The following TNS3 variants were observed in gnomAD, a reference collection of about 807,000 sequenced individuals.
The protein encoded by TNS3 is tensin-3.
In TNS3, 45 loss-of-function variants were observed where a neutral mutation model predicts 140.9. The observed-to-expected ratio is 0.32, with a 90% CI of 0.25 to 0.41. The LOEUF is 0.41. Ranked by LOEUF, TNS3 falls within the 10% of genes least tolerant of loss-of-function variation. The pLI is 1.00. For missense variants in TNS3, 1,716 were observed against 1,906.7 expected, an observed-to-expected ratio of 0.90 and a Z score of 1.86; for synonymous variants, 815 against 788.4, an observed-to-expected ratio of 1.03 and a Z score of -0.56.
At chr7:47,284,169 G>A (rs891256847) in intron 27 of TNS3, among the ~76,000 whole-genome samples, 2 of 152,198 alleles carry the variant, frequency 1.3e-5, no homozygotes, top group African/African-American at 4.8e-5. Context: ...TATTCGCCCT[G>A]CAGCAGTATT....
At chr7:47,459,189 A>G (rs1374482144) in intron 4 of TNS3, among the ~76,000 whole-genome samples, 1 of 152,190 alleles carries the variant, frequency 6.6e-6, no homozygotes, top group African/African-American at 2.4e-5. Flanking sequence ...GAAACATTCT[A>G]TAGTTTAAAA....
intron 16 of TNS3, among the ~76,000 whole-genome samples, chr7:47,381,555 T>A (rs1791760871): frequency 6.6e-6 from 1 of 152,118 alleles, no homozygotes; most frequent in South Asian, 2.1e-4. Flanking sequence ...TGCCTTCAGG[T>A]TCCCACAGCA....
chr7:47,552,821 G>T (rs898690600), intron 1 of TNS3, among the ~76,000 whole-genome samples: 1 of 152,194 alleles, frequency 6.6e-6, no homozygotes, highest in Non-Finnish European at 1.5e-5. Flanking sequence ...AGCTTAGTGG[G>T]GAAGGCATGT....
intron 28 of TNS3, among the ~76,000 whole-genome samples, chr7:47,283,445 G>A (rs11765216): frequency 0.24 from 36,101 of 152,072 alleles, 4,645 homozygotes; most frequent in East Asian, 0.47. Context: ...ATTTTAAAAC[G>A]CCAAACGTCT....
chr7:47,582,254 A>G (rs1784555797), upstream of TNS3: 3 of 347,346 alleles, frequency 8.6e-6, no homozygotes, highest in Admixed American at 7.5e-5. Context: ...CACCCTAACA[A>G]TGCAGCGCGC....
At chr7:47,451,953 G>A (rs1426591364) in intron 4 of TNS3, among the ~76,000 whole-genome samples, 2 of 152,298 alleles carry the variant, frequency 1.3e-5, no homozygotes, top group African/African-American at 2.4e-5. Flanking sequence ...TACTGCTCGA[G>A]TAAGCCGTCT....
chr7:47,294,605 A>G (rs1309254162), intron 24 of TNS3, among the ~76,000 whole-genome samples: 1 of 152,168 alleles, frequency 6.6e-6, no homozygotes, highest in African/African-American at 2.4e-5. Context: ...CTAAACTTCT[A>G]ATATTTCTGG....
At chr7:47,507,885 G>C (rs1279567811) in intron 2 of TNS3, among the ~76,000 whole-genome samples, 1 of 152,132 alleles carries the variant, frequency 6.6e-6, no homozygotes, top group African/African-American at 2.4e-5. Flanking sequence ...ACCTGGGTTG[G>C]GGAACAGTGA....
chr7:47,322,213 C>CAAAAAAAA (rs759875153), intron 20 of TNS3, among the ~76,000 whole-genome samples: 22 of 49,890 alleles, frequency 4.4e-4, no homozygotes, highest in South Asian at 8.2e-4. Flanking sequence ...GTAGAACGGG[C>CAAAAAAAA]AAAAAAAAAA....
At chr7:47,468,931 G>A (rs1453403275) in intron 4 of TNS3, among the ~76,000 whole-genome samples, 1 of 152,080 alleles carries the variant, frequency 6.6e-6, no homozygotes, top group African/African-American at 2.4e-5. Flanking sequence ...CACAAATAAA[G>A]CTGCACACTT....
intron 23 of TNS3, among the ~76,000 whole-genome samples, chr7:47,297,871 T>A (rs1009639103): frequency 7.0e-6 from 1 of 143,436 alleles, no homozygotes; most frequent in Non-Finnish European, 1.5e-5. Flanking sequence ...CACTGCAACC[T>A]CCACTTCTGG....
chr7:47,557,016 C>T (rs560435211), intron 1 of TNS3: 82 of 456,330 alleles, frequency 1.8e-4, no homozygotes, highest in African/African-American at 1.1e-3. Flanking sequence ...GCAGCGGGGG[C>T]GGGGAGCAAC....
rs899447132 is a variant in TNS3 at position 47,311,453 on chromosome 7, T to TAG, written c.2651-6452_2651-6451dup. ...GTGTGTGTGTGTATACATATATATA[T>TAG]AGAGAGAGAGAGAGAAAGAGAGAAT... is the stretch of plus-strand genomic sequence containing the variant. On this transcript the variant is annotated intron_variant, in intron 20 of 30. Transcript: ENST00000311160. 4.0e-5 allele frequency among the ~76,000 whole-genome samples: 6 copies of TAG among 149,656 alleles called. No individual in the cohort carries two copies. The South Asian group carries it at 6.3e-4, about 16-fold the overall frequency.
intron 13 of TNS3, 49 bp from the exon 14 acceptor site, chr7:47,400,963 A>T (rs376134364): frequency 1.9e-6 from 3 of 1,609,374 alleles, no homozygotes; most frequent in Non-Finnish European, 2.5e-6. Flanking sequence ...CGGGGGACAC[A>T]CGTTCCCGGC....
chr7:47,312,338 C>T (rs1562582147), intron 20 of TNS3, among the ~76,000 whole-genome samples: 1 of 152,208 alleles, frequency 6.6e-6, no homozygotes, highest in Non-Finnish European at 1.5e-5. Flanking sequence ...CCTCTGCACC[C>T]TCACTTCTAT....
At chr7:47,316,382 C>T (rs2150808091) in intron 20 of TNS3, among the ~76,000 whole-genome samples, 1 of 152,162 alleles carries the variant, frequency 6.6e-6, no homozygotes, top group African/African-American at 2.4e-5. Flanking sequence ...CATTGTCAAC[C>T]CCTGGGGCCT....
At chr7:47,516,814 G>A (rs1173635072) in intron 2 of TNS3, among the ~76,000 whole-genome samples, 1 of 152,188 alleles carries the variant, frequency 6.6e-6, no homozygotes, top group Non-Finnish European at 1.5e-5. Flanking sequence ...TATAATCCCA[G>A]CACTTTGGGA....
rs531433099 is a variant in TNS3, at chr7:47,542,807, G to A, written c.-264-13660C>T. Among the ~76,000 whole-genome samples the A allele has an allele frequency of 4.0e-5, 6 of 151,744 alleles. No homozygotes were observed. In the South Asian group the frequency reaches 6.3e-4, roughly 16 times the overall value. On this transcript the variant is annotated intron_variant, in intron 1 of 30. Transcript: ENST00000311160. ...TAGCCAGGTGTGGTGGTGGGCGCCT[G>A]TAATCCCAGCTACTTGGGAGGCTGA...
chr7:47,483,175 T>G (rs1266555945), intron 3 of TNS3, among the ~76,000 whole-genome samples: 3 of 151,634 alleles, frequency 2.0e-5, no homozygotes, highest in Non-Finnish European at 2.9e-5. Context: ...TGTCCAATTT[T>G]TTTTTTTTTT....
Sources: gnomAD v4.1 joint callset for allele counts (sites outside exome capture counted in the v4.1 genomes callset) on GRCh38, gnomAD v4.1.1 for gene constraint, MANE v1.5 for transcripts, NCBI Gene and HGNC (gene_info 2026-07-23, HGNC 2026-07-21) for gene names.